The following SLC45A2 variants were observed in gnomAD, a reference collection of about 807,000 sequenced individuals.
SLC45A2 encodes the protein membrane-associated transporter protein.
A neutral mutation model predicts 45.5 loss-of-function variants in SLC45A2; 36 were observed. The observed-to-expected ratio is 0.79, with a 90% confidence interval of 0.61 to 1.04. The LOEUF is 1.04. Among genes scored for constraint, SLC45A2 ranks in the 50% least tolerant of loss-of-function variants. The probability of loss-of-function intolerance (pLI) is 0.00; values close to 1 mark genes in which losing one functional copy is unlikely to be tolerated. For missense variants in SLC45A2, 719 were observed against 671.0 expected (o/e 1.07, Z -0.79); for synonymous variants, 306 against 269.3 (o/e 1.14, Z -1.33).
In SLC45A2 at chr5:33,944,676, A is replaced by G; in HGVS notation, c.1565T>C (p.Val522Ala). The change falls in exon 7 of 7, where the codon GTC becomes GCC. Residue 522 changes from valine (V) to alanine (A), a missense_variant. Coordinates refer to ENST00000296589, the MANE Select transcript of SLC45A2 (RefSeq NM_016180.5). The part of the protein sequence containing the change: ...SAVALIGCCF[V>A]ALFVRYVD The stretch of plus-strand genomic sequence containing the variant: ...ATCCACATATCTAACAAAGAGAGCG[A>G]CAAAGCAACAGCCTATCAGTGCCAC... The G allele has an allele frequency of 6.2e-7, 1 of 1,614,228 alleles. No homozygotes were observed. The highest frequency in any genetic ancestry group is 8.5e-7 in the Non-Finnish European group (1 of 1,180,040).
chr5:33,982,686 T>C (rs1455355995), intron 1 of SLC45A2, among the ~76,000 whole-genome samples: 2 of 152,022 alleles, frequency 1.3e-5, no homozygotes, highest in Admixed American at 6.6e-5. Flanking sequence ...TGGTAATGGG[T>C]TTATTTTGGG....
chr5:33,946,889 C>G (rs1030984892), intron 6 of SLC45A2: 13 of 1,396,286 alleles, frequency 9.3e-6, no homozygotes, highest in South Asian at 3.2e-5. Context: ...CCTCACCAAG[C>G]CTTTTTCTAA....
chr5:33,950,029 A>T (rs1222984553), intron 5 of SLC45A2, among the ~76,000 whole-genome samples: 3 of 152,026 alleles, frequency 2.0e-5, no homozygotes, highest in Non-Finnish European at 4.4e-5. Context: ...CTCTAAAAAA[A>T]AAATTTTTTT....
intron 2 of SLC45A2, chr5:33,972,023 T>A (rs1429155239): frequency 2.2e-6 from 1 of 465,054 alleles, no homozygotes; most frequent in South Asian, 1.5e-5. Flanking sequence ...ATTACAGGTG[T>A]GAGCCACCAC....
intron 2 of SLC45A2, among the ~76,000 whole-genome samples, chr5:33,979,753 T>C (rs1019953373): frequency 3.3e-5 from 5 of 152,194 alleles, no homozygotes; most frequent in African/African-American, 1.2e-4. Flanking sequence ...AGAGGTATAA[T>C]GAGGCATGTC....
intron 2 of SLC45A2, among the ~76,000 whole-genome samples, chr5:33,977,694 A>G (rs529231998): frequency 6.6e-6 from 1 of 152,302 alleles, no homozygotes; most frequent in South Asian, 2.1e-4. Context: ...GCAGTGGTAG[A>G]GGAGTGAGGG....
intron 2 of SLC45A2, among the ~76,000 whole-genome samples, chr5:33,981,912 A>C (rs1753085435): frequency 6.6e-6 from 1 of 152,256 alleles, no homozygotes; most frequent in Non-Finnish European, 1.5e-5. Flanking sequence ...AGGAATGTGG[A>C]TGCTACATTG....
intron 5 of SLC45A2, among the ~76,000 whole-genome samples, chr5:33,948,293 C>G (rs1181844548): frequency 6.6e-6 from 1 of 152,138 alleles, no homozygotes; most frequent in East Asian, 1.9e-4. Context: ...ATGAAAAATT[C>G]TGCTTTAAAA....
At position 33,951,578 on chromosome 5, in the gene SLC45A2, A is replaced by G. The variant is rs1752097760; in HGVS notation, c.1132T>C (p.Ser378Pro). The G allele has an allele frequency of 6.2e-7, 1 of 1,613,998 alleles. No individual in the cohort carries two copies. Among genetic ancestry groups the G allele is most frequent in the South Asian group, 1.1e-5 (1 of 91,084 alleles). Residue 378 changes from serine (S) to proline (P), a missense_variant, in exon 5 of 7, where the codon TCC becomes CCC. Coordinates refer to ENST00000296589, the MANE Select transcript of SLC45A2 (RefSeq NM_016180.5). ...CAAGAATAAAGTGAGGAAAACACGGAGTTGATGCACAAGCCCCAACATCCA... is the reference window on the plus strand; with the variant it reads ...CAAGAATAAAGTGAGGAAAACACGGGGTTGATGCACAAGCCCCAACATCCA... ...EVGCWGLCINSVFSSLYSYFQ... is the reference protein window; with the variant it reads ...EVGCWGLCINPVFSSLYSYFQ...
chr5:33,974,149 C>A (rs572468280), intron 2 of SLC45A2, among the ~76,000 whole-genome samples: 43 of 152,186 alleles, frequency 2.8e-4, no homozygotes, highest in Non-Finnish European at 5.1e-4. Flanking sequence ...TTAGCTCACT[C>A]GGTTCCACAG....
intron 3 of SLC45A2, among the ~76,000 whole-genome samples, chr5:33,962,857 A>G (rs1383552515): frequency 3.9e-5 from 6 of 152,234 alleles, no homozygotes; most frequent in Non-Finnish European, 7.3e-5. Flanking sequence ...GTCTTCTACA[A>G]CATTTTGTCA....
In SLC45A2 at chr5:33,982,275, C is replaced by T. The variant is rs2112014800; in HGVS notation, c.523G>A (p.Asp175Asn). The T allele has an allele frequency of 6.2e-7, 1 of 1,614,106 alleles. No homozygotes were observed. The highest frequency in any genetic ancestry group is 2.2e-5 in the East Asian group (1 of 44,872). Residue 175 changes from aspartate (D) to asparagine (N), a missense_variant, in exon 2 of 7, where the codon GAC becomes AAC. Transcript: ENST00000296589. Reference protein sequence around the residue: ...AYLFDVCSHQDKEKGLHYHAL... With the variant: ...AYLFDVCSHQNKEKGLHYHAL... Reference sequence around the variant, plus strand: ...TGGTAGTGGAGGCCCTTCTCCTTGTCCTGATGGGAGCAGACATCAAATAAG... The same window carrying T: ...TGGTAGTGGAGGCCCTTCTCCTTGTTCTGATGGGAGCAGACATCAAATAAG...
chr5:33,976,462 A>C (rs1752931925), intron 2 of SLC45A2, among the ~76,000 whole-genome samples: 1 of 152,240 alleles, frequency 6.6e-6, no homozygotes, highest in Non-Finnish European at 1.5e-5. Context: ...AGACATAAGA[A>C]AGTAGCCCTT....
intron 3 of SLC45A2, among the ~76,000 whole-genome samples, chr5:33,959,667 A>T (rs988938600): frequency 6.6e-6 from 1 of 152,204 alleles, no homozygotes; most frequent in Non-Finnish European, 1.5e-5. Context: ...GTATTCTCCT[A>T]TCAAGTGGCA....
intron 2 of SLC45A2, among the ~76,000 whole-genome samples, chr5:33,969,065 C>CTCTCTCTCTCTGTGTGTGTGTGTGTG: frequency 2.0e-5 from 2 of 102,392 alleles, no homozygotes; most frequent in African/African-American, 7.4e-5. Context: ...CTCTCTCTCT[C>CTCTCTCTCTCTGTGTGTGTGTGTGTG]TGTGTGTGTG....
At chr5:33,945,058 T>C (rs955918079) in intron 6 of SLC45A2, among the ~76,000 whole-genome samples, 186 bp from the exon 7 acceptor site, 3 of 152,206 alleles carry the variant, frequency 2.0e-5, no homozygotes, top group Non-Finnish European at 4.4e-5. Context: ...TGGAGCTGAG[T>C]TGGCTTTCCA....
chr5:33,959,898 A>T (rs1003164680), intron 3 of SLC45A2, among the ~76,000 whole-genome samples: 1 of 152,176 alleles, frequency 6.6e-6, no homozygotes, highest in Non-Finnish European at 1.5e-5. Flanking sequence ...AACTACTTAC[A>T]CACTTTTATA....
chr5:33,952,680 T>G (rs1292639552), intron 4 of SLC45A2, among the ~76,000 whole-genome samples: 1 of 89,322 alleles, frequency 1.1e-5, no homozygotes, highest in Non-Finnish European at 2.6e-5. Context: ...AAAAGTTTTT[T>G]TTTTTTTTTT....
intron 5 of SLC45A2, 37 bp from the exon 6 acceptor site, chr5:33,947,411 G>A: frequency 6.4e-7 from 1 of 1,550,758 alleles, no homozygotes; most frequent in South Asian, 1.1e-5. Context: ...ACAGCTGGCA[G>A]TGCCTCATAA....
Sources: allele counts gnomAD v4.1 joint callset (sites outside exome capture counted in the v4.1 genomes callset), GRCh38; gene constraint gnomAD v4.1.1; transcripts MANE v1.5; gene names NCBI Gene and HGNC (gene_info 2026-07-23, HGNC 2026-07-21).